HS2ST1: variants seen among roughly 807,000 people sequenced by gnomAD.
HS2ST1 encodes heparan sulfate 2-O-sulfotransferase 1.
A neutral mutation model predicts 42.9 loss-of-function variants in HS2ST1; 18 were observed. The observed-to-expected ratio is 0.42, with a 90% CI of 0.29 to 0.62. HS2ST1 has a LOEUF of 0.62. Ranked by LOEUF, HS2ST1 falls within the 20% of genes least tolerant of loss-of-function variation. HS2ST1 has a pLI of 0.21. For missense variants in HS2ST1, 334 were observed against 433.8 expected (o/e 0.77, Z 2.04); for synonymous variants, 146 against 152.9 (o/e 0.95, Z 0.33).
chr1:86,955,457 C>T lies in HS2ST1; in HGVS notation c.124+40297C>T, dbSNP rs143320042. 4.6e-5 allele frequency among the ~76,000 whole-genome samples: 7 copies of T among 152,130 alleles called. No individual in the cohort carries two copies. In the East Asian group the frequency reaches 1.4e-3, roughly 29 times the overall value. On this transcript the variant is annotated intron_variant, in intron 1 of 6. Coordinates refer to ENST00000370550, the MANE Select transcript of HS2ST1 (RefSeq NM_012262.4). ...ACAGTTTTTATCCCGAAACCATTCC[C>T]GCCCACCCCCTGTGGAAAAATTGTC...
chr1:86,940,130 A>G (rs986318704), intron 1 of HS2ST1, among the ~76,000 whole-genome samples: 3 of 152,094 alleles, frequency 2.0e-5, no homozygotes, highest in Non-Finnish European at 4.4e-5. Context: ...TTGGGAGGCC[A>G]AGGTGGGAGG....
chr1:86,933,662 G>A (rs540479337), intron 1 of HS2ST1, among the ~76,000 whole-genome samples: 10 of 150,152 alleles, frequency 6.7e-5, no homozygotes, highest in Non-Finnish European at 1.2e-4. Context: ...TGATGCCCGC[G>A]TTGTCTTTTC....
At position 87,104,601 on chromosome 1, in the gene HS2ST1, T is replaced by G. The variant is rs755005733; in HGVS notation, c.976T>G (p.Phe326Val). Residue 326 changes from phenylalanine (F) to valine (V), a missense_variant, in exon 7 of 7, where the codon TTC becomes GTC. Physicochemically the swap from Phe to Val is conservative, Grantham distance 50. Transcript: ENST00000370550. ...FYEFALEQFQ[F>V]IRAHAVREKD... ...TGAATTTGCACTAGAGCAGTTCCAA[T>G]TCATCAGAGCCCATGCCGTTCGAGA... is the stretch of plus-strand genomic sequence containing the variant. 108 of 1,613,448 alleles carry G rather than the reference T, an allele frequency of 6.7e-5. No homozygotes were observed. Among genetic ancestry groups the G allele is most frequent in the Non-Finnish European group, 8.2e-5 (97 of 1,179,536 alleles).
At chr1:86,987,861 G>C (rs952692416) in intron 1 of HS2ST1, among the ~76,000 whole-genome samples, 1 of 152,178 alleles carries the variant, frequency 6.6e-6, no homozygotes, top group Non-Finnish European at 1.5e-5. Context: ...TCAACTAGAA[G>C]GTAAGAACTG....
At chr1:86,922,419 T>TTGTGTGTGTGTGTG (rs150775849) in intron 1 of HS2ST1, among the ~76,000 whole-genome samples, 11,451 of 147,656 alleles carry the variant, frequency 0.078, 456 homozygotes, top group African/African-American at 0.091. Context: ...GTTCTTCATT[T>TTGTGTGTGTGTGTG]TGTGTGTGTG....
intron 1 of HS2ST1, among the ~76,000 whole-genome samples, chr1:86,940,681 T>C (rs1038901875): frequency 6.6e-6 from 1 of 152,172 alleles, no homozygotes; most frequent in Non-Finnish European, 1.5e-5. Flanking sequence ...CATATGACTT[T>C]GGAAATGACT....
At chr1:86,959,456 A>G (rs2390212) in intron 1 of HS2ST1, among the ~76,000 whole-genome samples, 46,198 of 151,978 alleles carry the variant, frequency 0.3, 9,281 homozygotes, top group African/African-American at 0.57. Context: ...TCAGGAGTTT[A>G]AGACCAGCCT....
intron 1 of HS2ST1, among the ~76,000 whole-genome samples, chr1:87,058,239 T>A (rs1241736553): frequency 6.6e-6 from 1 of 151,558 alleles, no homozygotes; most frequent in African/African-American, 2.4e-5. Flanking sequence ...CAGAGACTAA[T>A]AACTTACCAC....
intron 1 of HS2ST1, among the ~76,000 whole-genome samples, chr1:87,067,828 C>G (rs1651292916): frequency 6.6e-6 from 1 of 152,114 alleles, no homozygotes; most frequent in Non-Finnish European, 1.5e-5. Flanking sequence ...ATAGGGAATC[C>G]TTTCCCCATT....
chr1:86,934,441 C>G (rs898909505), intron 1 of HS2ST1: 1 of 152,348 alleles, frequency 6.6e-6, no homozygotes, highest in Admixed American at 6.5e-5. Flanking sequence ...GCTTTTAATT[C>G]TCAAGCTAGT....
intron 1 of HS2ST1, among the ~76,000 whole-genome samples, chr1:87,065,860 T>C (rs560908599): frequency 1.3e-5 from 2 of 152,358 alleles, no homozygotes; most frequent in African/African-American, 4.8e-5. Context: ...TTTTTTGCTT[T>C]GGATTTATTA....
intron 1 of HS2ST1, among the ~76,000 whole-genome samples, chr1:86,968,989 T>A (rs1199211668): frequency 6.6e-6 from 1 of 152,184 alleles, no homozygotes; most frequent in Admixed American, 6.5e-5. Context: ...ATAAAAATAT[T>A]TTCATGAAGT....
At chr1:87,067,907 GT>G (rs2100630071) in intron 1 of HS2ST1, among the ~76,000 whole-genome samples, 1 of 152,276 alleles carries the variant, frequency 6.6e-6, no homozygotes, top group East Asian at 1.9e-4. Flanking sequence ...TGAGGCCTCT[GT>G]TCTGCTCCAT....
intron 1 of HS2ST1, among the ~76,000 whole-genome samples, chr1:86,936,237 TTTCTC>T (rs548792853): frequency 5.7e-4 from 87 of 152,290 alleles, no homozygotes; most frequent in African/African-American, 2.0e-3. Context: ...TTTTAAATTT[TTTCTC>T]TTCTTTTCAA....
At chr1:87,072,673 G>A (rs1651440347) in intron 1 of HS2ST1, among the ~76,000 whole-genome samples, 1 of 151,876 alleles carries the variant, frequency 6.6e-6, no homozygotes, top group Admixed American at 6.6e-5. Context: ...TGAAGCTTTG[G>A]TCCTCAAAAC....
At chr1:87,070,341 A>G (rs1275690301) in intron 1 of HS2ST1, among the ~76,000 whole-genome samples, 2 of 152,198 alleles carry the variant, frequency 1.3e-5, no homozygotes, top group African/African-American at 4.8e-5. Flanking sequence ...CTACAATCCC[A>G]ACACCTTGGG....
In HS2ST1 at chr1:87,101,149, G is replaced by GTTTTTTTTTTTTTTTTTTT. The variant is rs1177785858; in HGVS notation, c.687-2277_687-2276insTTTTTTTTTTTTTTTTTTT. 2.7e-4 allele frequency among the ~76,000 whole-genome samples: 16 copies of GTTTTTTTTTTTTTTTTTTT among 59,540 alleles called. 6 individuals are homozygous for GTTTTTTTTTTTTTTTTTTT. The highest frequency in any genetic ancestry group is 3.9e-4 in the Non-Finnish European group (13 of 33,766). The allele number at this position is 59,540 out of a possible 152,430, so 39.1% of individuals were successfully genotyped here. A position where few individuals can be genotyped will look rare whatever the true frequency, so the allele number is the denominator to read the frequency against. ...TCATCACTTTTGTGTGTGTGTGTGT[G>GTTTTTTTTTTTTTTTTTTT]TTTTTTGTTTTTTTTTTTTTTTTTT... is the stretch of plus-strand genomic sequence containing the variant. On this transcript the variant is annotated intron_variant, in intron 5 of 6. Transcript: ENST00000370550.
chr1:87,032,552 T>C (rs72955511), intron 1 of HS2ST1, among the ~76,000 whole-genome samples: 3,572 of 152,244 alleles, frequency 0.023, 71 homozygotes, highest in African/African-American at 0.049. Context: ...ATTTATAGAA[T>C]ATTATAGGAA....
At chr1:87,028,324 G>A (rs893910303) in intron 1 of HS2ST1, among the ~76,000 whole-genome samples, 1 of 152,224 alleles carries the variant, frequency 6.6e-6, no homozygotes, top group Non-Finnish European at 1.5e-5. Context: ...GGAGAAGCCT[G>A]CTGGTCTTCC....
Sources: allele counts gnomAD v4.1 joint callset (sites outside exome capture counted in the v4.1 genomes callset), GRCh38; gene constraint gnomAD v4.1.1; transcripts MANE v1.5; gene names NCBI Gene and HGNC (gene_info 2026-07-23, HGNC 2026-07-21).